Variants in RASSF6 observed in about 807,000 individuals in gnomAD.
RASSF6 encodes the protein ras association domain-containing protein 6.
A neutral mutation model predicts 44.0 loss-of-function variants in RASSF6; 52 were observed. The observed-to-expected ratio is 1.18, with a 90% CI of 0.95 to 1.49. The LOEUF (loss-of-function observed/expected upper bound fraction) is 1.49, where lower values mean the gene tolerates loss of function less well. RASSF6 is among the 40% of genes most tolerant of loss of function. The probability of loss-of-function intolerance (pLI) is 0.00; values close to 1 mark genes in which losing one functional copy is unlikely to be tolerated. For synonymous variants in RASSF6, 162 were observed against 124.6 expected, an observed-to-expected ratio of 1.30 and a Z score of -2.00; for missense variants, 464 against 393.3, an observed-to-expected ratio of 1.18 and a Z score of -1.52.
At chr4:73,601,426 C>A (rs918913857) in intron 2 of RASSF6, among the ~76,000 whole-genome samples, 1 of 152,224 alleles carries the variant, frequency 6.6e-6, no homozygotes, top group African/African-American at 2.4e-5. Flanking sequence ...AGAAAGTCTT[C>A]CAATCTGTAA....
Position 73,574,340 on chromosome 4 carries a change from T to C in RASSF6, c.*1895A>G, listed in dbSNP as rs1723085610. 1 of 152,518 alleles carries C rather than the reference T, an allele frequency of 6.6e-6. No individual in the cohort carries two copies. The highest frequency in any genetic ancestry group is 1.5e-5 in the Non-Finnish European group (1 of 68,262). 9.4% of individuals were successfully genotyped at this position (152,518 alleles called of 1,614,324 possible). A position where few individuals can be genotyped will look rare whatever the true frequency, so the allele number is the denominator to read the frequency against. On this transcript the variant is annotated 3_prime_UTR_variant, in exon 11 of 11. Coordinates refer to ENST00000307439, the MANE Select transcript of RASSF6 (RefSeq NM_177532.5). The stretch of plus-strand genomic sequence containing the variant: ...GTGACTCCTTCTTTGTGCTTACCCT[T>C]TGGCAAAGCCCCAAGTCCCTCTGCA...
Position 73,571,854 on chromosome 4 carries a change from A to G in RASSF6, c.*4381T>C, listed in dbSNP as rs1405195701. The stretch of plus-strand genomic sequence containing the variant: ...TGACAATGAAATATTTGGACCACCT[A>G]AAACAAGGATAAATTATTCTGTGAC... On this transcript the variant is annotated 3_prime_UTR_variant, in exon 11 of 11. Transcript: ENST00000307439. 2 of 152,184 alleles carry G rather than the reference A, an allele frequency of 1.3e-5. No homozygotes were observed. The highest frequency in any genetic ancestry group is 2.9e-5 in the Non-Finnish European group (2 of 68,040). 9.4% of individuals were successfully genotyped at this position (152,184 alleles called of 1,614,324 possible).
chr4:73,603,788 G>A (rs1725439405), intron 2 of RASSF6, among the ~76,000 whole-genome samples: 1 of 152,176 alleles, frequency 6.6e-6, no homozygotes, highest in Non-Finnish European at 1.5e-5. Context: ...ATTATGGGTG[G>A]AAGTGAATTA....
intron 2 of RASSF6, among the ~76,000 whole-genome samples, chr4:73,603,919 G>A (rs1410135745): frequency 6.6e-6 from 1 of 152,052 alleles, no homozygotes; most frequent in Non-Finnish European, 1.5e-5. Context: ...TTCCCTAAAA[G>A]GCAAAGAACC....
chr4:73,613,403 TGGTTATACA>T (rs1275082290), intron 1 of RASSF6, among the ~76,000 whole-genome samples: 1 of 152,186 alleles, frequency 6.6e-6, no homozygotes, highest in Non-Finnish European at 1.5e-5. Flanking sequence ...CTGGGCAACT[TGGTTATACA>T]GGTTACACAG....
chr4:73,576,235 C>A lies in RASSF6; in HGVS notation c.1014G>T (p.Ter338TyrextTer19). Residue 338 changes from the stop codon to tyrosine, a stop_lost, in exon 11 of 11, where the codon TAG becomes TAT. Transcript: ENST00000307439. ...GTTTTAGCAATAGAAGCTTGTACTGCTAAACTGTTGTCTCTGTTTTTATTA... is the reference window on the plus strand; with the variant it reads ...GTTTTAGCAATAGAAGCTTGTACTGATAAACTGTTGTCTCTGTTTTTATTA... ...KLVIKTETTV* is the reference protein window; with the variant it reads ...KLVIKTETTVY The A allele has an allele frequency of 6.5e-7, 1 of 1,532,310 alleles. No homozygotes were observed. Among genetic ancestry groups the A allele is most frequent in the Non-Finnish European group, 9.0e-7 (1 of 1,113,108 alleles). The allele number at this position is 1,532,310 out of a possible 1,614,324, so 94.9% of individuals were successfully genotyped here.
chr4:73,576,126 T>C lies in RASSF6; in HGVS notation c.*109A>G, dbSNP rs1455849674. The C allele has an allele frequency of 1.7e-6, 1 of 593,368 alleles. No individual in the cohort carries two copies. The highest frequency in any genetic ancestry group is 2.9e-6 in the Non-Finnish European group (1 of 348,896). 36.8% of individuals were successfully genotyped at this position (593,368 alleles called of 1,614,324 possible). A position where few individuals can be genotyped will look rare whatever the true frequency, so the allele number is the denominator to read the frequency against. On this transcript the variant is annotated 3_prime_UTR_variant, in exon 11 of 11. Transcript: ENST00000307439. ...TTTTTTGACATTCAATTTTCTACGATTCAAGTCTCATATATGTTCGTATAA... is the reference window on the plus strand; with the variant it reads ...TTTTTTGACATTCAATTTTCTACGACTCAAGTCTCATATATGTTCGTATAA...
In RASSF6 at chr4:73,579,905, G is replaced by T. The variant is rs543820537; in HGVS notation, c.721+1912C>A. Among the ~76,000 whole-genome samples the T allele has an allele frequency of 6.6e-5, 10 of 150,704 alleles. No individual in the cohort carries two copies. In the East Asian group the frequency reaches 1.9e-3, roughly 29 times the overall value. ...TTATTATTATACTTTAAGTTTTAGG[G>T]TACATGTGCACAATGTGCAGGTTAG... On this transcript the variant is annotated intron_variant, in intron 8 of 10. Coordinates refer to ENST00000307439, the MANE Select transcript of RASSF6 (RefSeq NM_177532.5).
At chr4:73,579,468 C>A (rs987731663) in intron 8 of RASSF6, among the ~76,000 whole-genome samples, 8 of 152,148 alleles carry the variant, frequency 5.3e-5, no homozygotes, top group Non-Finnish European at 7.3e-5. Flanking sequence ...AAGCATTTTG[C>A]CAATCTGAGA....
chr4:73,599,059 A>G (rs1725116853), intron 2 of RASSF6, among the ~76,000 whole-genome samples: 1 of 152,164 alleles, frequency 6.6e-6, no homozygotes, highest in Non-Finnish European at 1.5e-5. Flanking sequence ...TAAATTAAGC[A>G]CTGGTGTGTG....
rs1178360259 is a variant in RASSF6, at chr4:73,572,954, T to C, written c.*3281A>G. ...GTTCACACACACAAATACATATATATATACACACACATACATATATAATAT... is the reference window on the plus strand; with the variant it reads ...GTTCACACACACAAATACATATATACATACACACACATACATATATAATAT... On this transcript the variant is annotated 3_prime_UTR_variant, in exon 11 of 11. Transcript: ENST00000307439. The C allele has an allele frequency of 6.6e-6, 1 of 152,082 alleles. No homozygotes were observed. The highest frequency in any genetic ancestry group is 1.5e-5 in the Non-Finnish European group (1 of 68,010). 9.4% of individuals were successfully genotyped at this position (152,082 alleles called of 1,614,324 possible). A position where few individuals can be genotyped will look rare whatever the true frequency, so the allele number is the denominator to read the frequency against.
At chr4:73,586,889 G>A (rs114430763) in intron 5 of RASSF6, among the ~76,000 whole-genome samples, 316 of 150,064 alleles carry the variant, frequency 2.1e-3, no homozygotes, top group African/African-American at 7.3e-3. Context: ...AATAGCAGAC[G>A]AGGCAGAATT....
chr4:73,615,178 C>CAA lies in RASSF6; in HGVS notation c.-34-3351_-34-3350dup, dbSNP rs59463389. Among the ~76,000 whole-genome samples, 648 of 77,000 alleles carry CAA rather than the reference C, an allele frequency of 8.4e-3. 33 individuals are homozygous for CAA. Among genetic ancestry groups the CAA allele is most frequent in the African/African-American group, 0.02 (415 of 20,622 alleles). The allele number at this position is 77,000 out of a possible 152,430, so 50.5% of individuals were successfully genotyped here. A position where few individuals can be genotyped will look rare whatever the true frequency, so the allele number is the denominator to read the frequency against. On this transcript the variant is annotated intron_variant, in intron 1 of 10. Coordinates refer to ENST00000307439, the MANE Select transcript of RASSF6 (RefSeq NM_177532.5). ...TGGGTGATAGAGTGTGACTCTGTCT[C>CAA]AAAAAAAAAAAAAAAAAAAGAGCAA... is the stretch of plus-strand genomic sequence containing the variant.
intron 1 of RASSF6, among the ~76,000 whole-genome samples, chr4:73,617,936 C>T (rs1168346862): frequency 6.6e-6 from 1 of 152,092 alleles, no homozygotes; most frequent in Non-Finnish European, 1.5e-5. Flanking sequence ...ACCGTGAATT[C>T]CCCACCTACA....
chr4:73,585,436 T>A, intron 5 of RASSF6, 72 bp from the exon 6 acceptor site: 1 of 1,017,536 alleles, frequency 9.8e-7, no homozygotes, highest in Non-Finnish European at 1.4e-6. Flanking sequence ...GATTTGTGTA[T>A]GCTTTCATTA....
intron 6 of RASSF6, among the ~76,000 whole-genome samples, chr4:73,584,627 T>G (rs1400635816): frequency 6.6e-6 from 1 of 152,170 alleles, no homozygotes; most frequent in Non-Finnish European, 1.5e-5. Context: ...GGCTTTTTCC[T>G]TTTATTTAAA....
chr4:73,620,593 G>T, upstream of RASSF6: 2 of 959,062 alleles, frequency 2.1e-6, no homozygotes, highest in Non-Finnish European at 3.0e-6. Flanking sequence ...CCACAGCAGG[G>T]AAGTGTCAAG....
chr4:73,617,646 A>G (rs1726447904), intron 1 of RASSF6, among the ~76,000 whole-genome samples: 1 of 152,214 alleles, frequency 6.6e-6, no homozygotes, highest in African/African-American at 2.4e-5. Flanking sequence ...CTTTAAGTTA[A>G]CATCCTTATT....
intron 2 of RASSF6, among the ~76,000 whole-genome samples, chr4:73,601,220 A>G (rs1246224489): frequency 6.6e-6 from 1 of 152,226 alleles, no homozygotes; most frequent in Admixed American, 6.5e-5. Context: ...AAGTCTACAA[A>G]TGACATAAGG....
Sources: allele counts gnomAD v4.1 joint callset (sites outside exome capture counted in the v4.1 genomes callset), GRCh38; gene constraint gnomAD v4.1.1; transcripts MANE v1.5; gene names NCBI Gene and HGNC (gene_info 2026-07-23, HGNC 2026-07-21).